SORCS1: variants seen among roughly 807,000 people sequenced by gnomAD.
SORCS1 encodes the protein VPS10 domain-containing receptor SorCS1.
In SORCS1, 60 loss-of-function variants were observed where a neutral mutation model predicts 146.1. The ratio of observed to expected loss-of-function variants is 0.41; its 90% confidence interval spans 0.33 to 0.51. SORCS1 has a LOEUF of 0.51. SORCS1 is among the 20% of genes least tolerant of loss of function. The probability of loss-of-function intolerance (pLI) is 0.21; values close to 1 mark genes in which losing one functional copy is unlikely to be tolerated. For missense variants in SORCS1, 1,352 were observed against 1,487.6 expected, an observed-to-expected ratio of 0.91 and a Z score of 1.50; for synonymous variants, 637 against 584.0, an observed-to-expected ratio of 1.09 and a Z score of -1.31.
At chr10:106,796,239 T>A (rs551338701) in intron 3 of SORCS1, among the ~76,000 whole-genome samples, 1 of 152,302 alleles carries the variant, frequency 6.6e-6, no homozygotes, top group Non-Finnish European at 1.5e-5. Context: ...TACATTTACA[T>A]GTTGACAGTT....
chr10:106,602,918 G>A (rs572382449), intron 23 of SORCS1, among the ~76,000 whole-genome samples: 2 of 152,010 alleles, frequency 1.3e-5, no homozygotes, highest in African/African-American at 4.8e-5. Flanking sequence ...GCTCCCTATC[G>A]AGATCTGCCT....
At chr10:107,051,804 C>T (rs1179338401) in intron 1 of SORCS1, among the ~76,000 whole-genome samples, 7 of 152,200 alleles carry the variant, frequency 4.6e-5, no homozygotes, top group Admixed American at 1.3e-4. Context: ...GTTTAAGACA[C>T]GCTAATTCAT....
intron 2 of SORCS1, among the ~76,000 whole-genome samples, chr10:106,945,967 G>C (rs1954320365): frequency 6.6e-6 from 1 of 152,190 alleles, no homozygotes; most frequent in African/African-American, 2.4e-5. Context: ...GGGCTGAACA[G>C]GAATGCCTAG....
At chr10:106,684,895 C>A (rs528042006) in intron 10 of SORCS1, among the ~76,000 whole-genome samples, 5 of 152,294 alleles carry the variant, frequency 3.3e-5, no homozygotes, top group Admixed American at 2.0e-4. Context: ...GTGCCTTTGG[C>A]AGATTTTTGT....
At chr10:107,016,000 T>C (rs956037131) in intron 1 of SORCS1, among the ~76,000 whole-genome samples, 4 of 152,174 alleles carry the variant, frequency 2.6e-5, no homozygotes, top group Admixed American at 1.3e-4. Context: ...TGTTTAAAAA[T>C]AGACTATTAG....
intron 3 of SORCS1, among the ~76,000 whole-genome samples, chr10:106,786,202 G>A (rs1946047482): frequency 6.6e-6 from 1 of 152,140 alleles, no homozygotes; most frequent in South Asian, 2.1e-4. Flanking sequence ...TCAGAACAGT[G>A]GCTTCAAACA....
intron 2 of SORCS1, among the ~76,000 whole-genome samples, chr10:106,857,064 C>T (rs1949814326): frequency 6.6e-6 from 1 of 152,196 alleles, no homozygotes; most frequent in South Asian, 2.1e-4. Flanking sequence ...AAATCTCTGC[C>T]TGGCACCCAT....
chr10:106,984,203 G>T (rs534134282), intron 1 of SORCS1, among the ~76,000 whole-genome samples: 3 of 152,058 alleles, frequency 2.0e-5, no homozygotes, highest in African/African-American at 7.2e-5. Flanking sequence ...CAGAAAGTCG[G>T]ATTTTAGGAA....
intron 2 of SORCS1, among the ~76,000 whole-genome samples, chr10:106,908,070 G>C (rs1951989033): frequency 6.6e-6 from 1 of 151,848 alleles, no homozygotes; most frequent in South Asian, 2.1e-4. Context: ...CATTTTTCTG[G>C]GTAGAGATCT....
intron 1 of SORCS1, among the ~76,000 whole-genome samples, chr10:107,120,597 T>C (rs1331211674): frequency 6.6e-6 from 1 of 152,124 alleles, no homozygotes; most frequent in African/African-American, 2.4e-5. Context: ...TTCACAGAAG[T>C]AGGCAATCTC....
At chr10:107,065,415 T>TTTTCTTTCTTTTTCTTTCTTTCTTTC (rs1961664484) in intron 1 of SORCS1, among the ~76,000 whole-genome samples, 1 of 120,396 alleles carries the variant, frequency 8.3e-6, no homozygotes, top group African/African-American at 4.5e-5. Context: ...TCTCTCTTTC[T>TTTTCTTTCTTTTTCTTTCTTTCTTTC]TTTCTTTCTT....
At chr10:107,104,443 A>G (rs764165497) in intron 1 of SORCS1, among the ~76,000 whole-genome samples, 1 of 152,190 alleles carries the variant, frequency 6.6e-6, no homozygotes, top group Non-Finnish European at 1.5e-5. Flanking sequence ...TTTCTAGCCA[A>G]GGGAAATACT....
intron 1 of SORCS1, among the ~76,000 whole-genome samples, chr10:107,162,008 A>G (rs1240150540): frequency 1.3e-5 from 2 of 152,206 alleles, no homozygotes; most frequent in Non-Finnish European, 2.9e-5. Context: ...TTCCTACGTT[A>G]TCTCAGACCT....
chr10:106,722,118 AAT>A (rs1234597766), intron 6 of SORCS1, among the ~76,000 whole-genome samples: 1 of 28,234 alleles, frequency 3.5e-5, no homozygotes, highest in Non-Finnish European at 9.9e-5. Flanking sequence ...CAAATATATA[AAT>A]ACACACACAC....
intron 2 of SORCS1, among the ~76,000 whole-genome samples, chr10:106,942,448 C>T (rs1954091442): frequency 6.6e-6 from 1 of 152,180 alleles, no homozygotes; most frequent in South Asian, 2.1e-4. Context: ...AAAAAAAGCA[C>T]AGTCATGCTG....
intron 2 of SORCS1, among the ~76,000 whole-genome samples, chr10:106,927,555 C>T (rs546923666): frequency 1.3e-5 from 2 of 152,286 alleles, no homozygotes; most frequent in East Asian, 3.9e-4. Flanking sequence ...ACTGCTAGCT[C>T]GGGCAGCCTG....
chr10:106,599,637 G>A (rs1034950596), intron 23 of SORCS1, among the ~76,000 whole-genome samples: 3 of 140,460 alleles, frequency 2.1e-5, no homozygotes, highest in African/African-American at 8.4e-5. Flanking sequence ...GAAAGACTTG[G>A]TCAAAAGTAA....
At chr10:107,073,670 A>G (rs958383950) in intron 1 of SORCS1, among the ~76,000 whole-genome samples, 37 of 152,348 alleles carry the variant, frequency 2.4e-4, no homozygotes, top group African/African-American at 7.5e-4. Flanking sequence ...TATCCAAGTC[A>G]TATAGCTAGT....
chr10:106,871,400 T>C (rs1950402948), intron 2 of SORCS1, among the ~76,000 whole-genome samples: 1 of 152,186 alleles, frequency 6.6e-6, no homozygotes, highest in South Asian at 2.1e-4. Flanking sequence ...ATCCCATTAC[T>C]GGAGGAATAC....
Sources: gnomAD v4.1 joint callset for allele counts (sites outside exome capture counted in the v4.1 genomes callset) on GRCh38, gnomAD v4.1.1 for gene constraint, MANE v1.5 for transcripts, NCBI Gene and HGNC (gene_info 2026-07-23, HGNC 2026-07-21) for gene names.